Variants in CHD1 observed in about 807,000 individuals in gnomAD.
CHD1 encodes ATP-dependent chromatin remodeler CHD1.
CHD1 carries 36 observed loss-of-function variants against 224.2 expected under a neutral mutation model. The observed-to-expected ratio is 0.16, with a 90% CI of 0.12 to 0.21. CHD1 has a LOEUF of 0.21. Among genes scored for constraint, CHD1 ranks in the 10% least tolerant of loss-of-function variants. The pLI is 1.00. For missense variants in CHD1, 1,378 were observed against 1,994.8 expected (o/e 0.69, Z 5.89); for synonymous variants, 668 against 658.3 (o/e 1.01, Z -0.23).
chr5:98,928,228 G>T (rs1356297367), intron 1 of CHD1, among the ~76,000 whole-genome samples: 4 of 151,904 alleles, frequency 2.6e-5, no homozygotes, highest in Admixed American at 2.6e-4. Context: ...GGTCGCGGCA[G>T]GACCCACGCA....
rs1002974627 is a variant in CHD1, at chr5:98,912,673, A to AAAAAT, written c.54-7580_54-7576dup. Among the ~76,000 whole-genome samples the AAAAAT allele has an allele frequency of 4.6e-5, 7 of 152,310 alleles. No individual in the cohort carries two copies. In the South Asian group the frequency reaches 6.2e-4, roughly 14 times the overall value. Reference sequence around the variant, plus strand: ...GCGACAAGGCAAGACTCTGTCTCAAAAAAATAAAATAAAATAAAATAAAGA... The same window carrying AAAAAT: ...GCGACAAGGCAAGACTCTGTCTCAAAAAAATAAAATAAAATAAAATAAAATAAAGA... On this transcript the variant is annotated intron_variant, in intron 2 of 35. Transcript: ENST00000614616.
rs116676643 is a variant in CHD1 at position 98,879,915 on chromosome 5, T to C, written c.3061-187A>G. Among the ~76,000 whole-genome samples the C allele has an allele frequency of 2.8e-3, 432 of 152,274 alleles. 1 individual carries two copies. The highest frequency in any genetic ancestry group is 9.9e-3 in the African/African-American group (410 of 41,566). On this transcript the variant is annotated intron_variant, in intron 22 of 35. Transcript: ENST00000614616. ...GCAAAGCAGATCAAACCAAATGACA[T>C]CTAATAATCCTCTAGGAATGATTTT...
chr5:98,912,787 G>A (rs1442420642), intron 2 of CHD1, among the ~76,000 whole-genome samples: 1 of 152,162 alleles, frequency 6.6e-6, no homozygotes, highest in African/African-American at 2.4e-5. Flanking sequence ...AACATTATAC[G>A]TAAATTAGAC....
At chr5:98,881,202 C>T (rs1355134578) in intron 21 of CHD1, 31 bp from the exon 22 acceptor site, 1 of 1,412,192 alleles carries the variant, frequency 7.1e-7, no homozygotes, top group Non-Finnish European at 9.8e-7. Flanking sequence ...TTTAAATATA[C>T]TTGAATCCTT....
At chr5:98,911,176 T>TAG (rs1428353116) in intron 2 of CHD1, among the ~76,000 whole-genome samples, 11 of 122,970 alleles carry the variant, frequency 8.9e-5, no homozygotes, top group East Asian at 2.2e-4. Flanking sequence ...TATATATATA[T>TAG]AGAGGCATGT....
intron 32 of CHD1, among the ~76,000 whole-genome samples, chr5:98,862,888 AAAAGT>A (rs1387635214): frequency 1.3e-5 from 2 of 152,224 alleles, no homozygotes; most frequent in Non-Finnish European, 2.9e-5. Context: ...TTACACTAAT[AAAAGT>A]AGAGAAGAAT....
intron 5 of CHD1, among the ~76,000 whole-genome samples, chr5:98,902,499 C>A (rs115440144): frequency 0.014 from 2,134 of 151,994 alleles, 38 homozygotes; most frequent in African/African-American, 0.048. Flanking sequence ...ATGAGTTCTA[C>A]GGTATGAAGT....
chr5:98,866,446 G>A (rs769855885), intron 31 of CHD1, among the ~76,000 whole-genome samples: 9 of 152,162 alleles, frequency 5.9e-5, no homozygotes, highest in Non-Finnish European at 1.3e-4. Context: ...AATCAACACT[G>A]TCTAGTCACG....
intron 15 of CHD1, among the ~76,000 whole-genome samples, chr5:98,890,921 C>T (rs1750974852): frequency 6.6e-6 from 1 of 152,100 alleles, no homozygotes; most frequent in South Asian, 2.1e-4. Context: ...AATCAATTGC[C>T]ATATATGAAC....
In CHD1 at chr5:98,882,141, A is replaced by C. The variant is rs764512869; in HGVS notation, c.2719-18T>G. 1 of 1,607,014 alleles carries C rather than the reference A, an allele frequency of 6.2e-7. No homozygotes were observed. The highest frequency in any genetic ancestry group is 1.3e-5 in the African/African-American group (1 of 74,846). ...ATATTCACCTGTAAAAATACACATG[A>C]GGAAACAAATTGCAGTATAAAGGAT... On this transcript the variant is annotated intron_variant, in intron 19 of 35. Transcript: ENST00000614616.
Position 98,898,386 on chromosome 5 carries a change from T to C in CHD1, c.1235A>G (p.Lys412Arg). The change falls in exon 10 of 36, where the codon AAA becomes AGA. Residue 412 changes from lysine to arginine, a missense_variant. Physicochemically the swap from Lys to Arg is conservative, Grantham distance 26. Coordinates refer to ENST00000614616, the MANE Select transcript of CHD1 (RefSeq NM_001270.4). ...SAAGYPDYYC[K>R]WQGLPYSECS... ...CTCTGAGTATGGAAGGCCCTGCCAT[T>C]TGCAGTAATAATCAGGATAACCAGC... 1 of 1,596,258 alleles carries C rather than the reference T, an allele frequency of 6.3e-7. No homozygotes were observed. Among genetic ancestry groups the C allele is most frequent in the East Asian group, 2.3e-5 (1 of 44,074 alleles).
intron 1 of CHD1, among the ~76,000 whole-genome samples, chr5:98,928,117 T>C (rs1335798071): frequency 3.3e-5 from 5 of 151,686 alleles, no homozygotes; most frequent in African/African-American, 4.8e-5. Context: ...GAGTCCCTCT[T>C]CCCGCCTCAA....
rs190282819 is a variant in CHD1 at position 98,857,978 on chromosome 5, T to C, written c.4787+202A>G. On this transcript the variant is annotated intron_variant, in intron 35 of 35. Transcript: ENST00000614616. Reference sequence around the variant, plus strand: ...CCTTACTACATATTTTGATCTCAATTTTATAATTCAAAATCCATTTTATAG... The same window carrying C: ...CCTTACTACATATTTTGATCTCAATCTTATAATTCAAAATCCATTTTATAG... Among the ~76,000 whole-genome samples the C allele has an allele frequency of 3.5e-3, 530 of 152,230 alleles. 4 individuals are homozygous for C. The highest frequency in any genetic ancestry group is 4.8e-3 in the Non-Finnish European group (327 of 67,946).
At chr5:98,867,700 G>C (rs898113284) in intron 31 of CHD1, among the ~76,000 whole-genome samples, 1 of 151,380 alleles carries the variant, frequency 6.6e-6, no homozygotes, top group Non-Finnish European at 1.5e-5. Context: ...AAGTCTTTCC[G>C]AGTTGCTTCT....
chr5:98,867,549 C>A (rs1006355686), intron 31 of CHD1, among the ~76,000 whole-genome samples: 1 of 150,306 alleles, frequency 6.7e-6, no homozygotes, highest in South Asian at 2.1e-4. Context: ...ATAAGAAGCA[C>A]TATTACACAT....
At chr5:98,860,938 C>A (rs962254924) in intron 32 of CHD1, among the ~76,000 whole-genome samples, 1 of 152,140 alleles carries the variant, frequency 6.6e-6, no homozygotes, top group Non-Finnish European at 1.5e-5. Flanking sequence ...CTACGATTAA[C>A]TTATAAGGGT....
At chr5:98,873,930 AATTC>A (rs1415425718) in intron 25 of CHD1, among the ~76,000 whole-genome samples, 2 of 152,218 alleles carry the variant, frequency 1.3e-5, no homozygotes, top group African/African-American at 4.8e-5. Flanking sequence ...TAATGAGTTT[AATTC>A]ATTATAGAGC....
chr5:98,903,890 T>C lies in CHD1; in HGVS notation c.274A>G (p.Ser92Gly). The C allele has an allele frequency of 6.2e-7, 1 of 1,603,490 alleles. No individual in the cohort carries two copies. The highest frequency in any genetic ancestry group is 8.5e-7 in the Non-Finnish European group (1 of 1,173,442). The change falls in exon 4 of 36, where the codon AGT becomes GGT. Residue 92 changes from serine to glycine, a missense_variant. Ser to Gly is a moderately conservative substitution (Grantham distance 56). Coordinates refer to ENST00000614616, the MANE Select transcript of CHD1 (RefSeq NM_001270.4). ...GCAGATCTCTGAACGGCCAGAATAC[T>C]AGGACTAGATTTCCAAAACTATAAT... ...DGAEFWKSSP[S>G]ILAVQRSAIL...
At chr5:98,897,398 A>C in intron 10 of CHD1, 78 bp from the exon 11 acceptor site, 1 of 1,046,636 alleles carries the variant, frequency 9.6e-7, no homozygotes, top group Non-Finnish European at 1.4e-6. Flanking sequence ...CCTCAGCTTT[A>C]CCATAAATTC....
Sources: allele counts gnomAD v4.1 joint callset (sites outside exome capture counted in the v4.1 genomes callset), GRCh38; gene constraint gnomAD v4.1.1; transcripts MANE v1.5; gene names NCBI Gene and HGNC (gene_info 2026-07-23, HGNC 2026-07-21).